Variants in ZNF862 observed in about 807,000 individuals in gnomAD.
The protein encoded by ZNF862 is zinc finger protein 862.
In ZNF862, 64 loss-of-function variants were observed where a neutral mutation model predicts 91.1. The observed-to-expected ratio is 0.70, with a 90% CI of 0.57 to 0.87. The LOEUF (loss-of-function observed/expected upper bound fraction) is 0.87. ZNF862 is among the 40% of genes least tolerant of loss of function. ZNF862 has a pLI of 0.00. For missense variants in ZNF862, 1,459 were observed against 1,528.0 expected, an observed-to-expected ratio of 0.95 and a Z score of 0.75; for synonymous variants, 631 against 618.1, an observed-to-expected ratio of 1.02 and a Z score of -0.31.
intron 5 of ZNF862, among the ~76,000 whole-genome samples, chr7:149,853,344 G>T (rs939212973): frequency 6.6e-6 from 1 of 152,210 alleles, no homozygotes; most frequent in Non-Finnish European, 1.5e-5. Context: ...TGGAATGTGG[G>T]TGTTTGTGGG....
chr7:149,859,478 T>A lies in ZNF862; in HGVS notation c.1174T>A (p.Trp392Arg). The A allele has an allele frequency of 6.3e-7, 1 of 1,588,472 alleles. No individual in the cohort carries two copies. The highest frequency in any genetic ancestry group is 8.6e-7 in the Non-Finnish European group (1 of 1,166,782). ...CAAACTGGAGCGGAGGGCTGCACCC[T>A]GGATCAAGGACCCAAATGGGCCAAA... ...ISKLERRAAP[W>R]IKDPNGPKWG... Residue 392 changes from tryptophan to arginine, a missense_variant, in exon 6 of 8, where the codon TGG becomes AGG. By Grantham distance (101) the Trp-to-Arg change is moderately radical. Coordinates refer to ENST00000223210, the MANE Select transcript of ZNF862 (RefSeq NM_001099220.3).
In ZNF862 at chr7:149,861,593, C is replaced by T; in HGVS notation, c.2433C>T (p.Leu811=). ...LVSWPALARH[L]QRVAEAGGQI... The stretch of plus-strand genomic sequence containing the variant: ...GCTGGCCCGCCCTGGCCAGGCACCT[C>T]CAGAGGGTGGCAGAGGCTGGGGGCC... Residue 811 remains leucine, a synonymous_variant, in exon 7 of 8, where the codon CTC becomes CTT. Coordinates refer to ENST00000223210, the MANE Select transcript of ZNF862 (RefSeq NM_001099220.3). The surrounding 1 kb of genome is among the most constrained non-coding windows in gnomAD (Gnocchi z 6.7). 1 of 1,598,860 alleles carries T rather than the reference C, an allele frequency of 6.3e-7. No homozygotes were observed. Among genetic ancestry groups the T allele is most frequent in the Non-Finnish European group, 8.5e-7 (1 of 1,174,910 alleles).
intron 5 of ZNF862, chr7:149,852,747 T>C (rs1274083869): frequency 1.3e-5 from 2 of 150,286 alleles, no homozygotes; most frequent in African/African-American, 4.9e-5. Flanking sequence ...AAGAAACTAA[T>C]ATTTGTCATT....
At position 149,861,320 on chromosome 7, in the gene ZNF862, G is replaced by C. The variant is rs2240361; in HGVS notation, c.2160G>C (p.Leu720=). The C allele has an allele frequency of 0.56, 900,556 of 1,612,508 alleles. 258,223 individuals carry two copies. The highest frequency in any genetic ancestry group is 0.6 in the Non-Finnish European group (710,514 of 1,179,706). ...TCCAGGAGGTCATCCCGCAGCTGCT[G>C]CCTGTCCACTGCGTGGCCCACCGGC... The part of the protein sequence containing the change: ...EKFQEVIPQL[L]PVHCVAHRLH... Residue 720 remains leucine (L), a synonymous_variant, in exon 7 of 8, where the codon CTG becomes CTC. Transcript: ENST00000223210. The surrounding 1 kb of genome is among the most constrained non-coding windows in gnomAD (Gnocchi z 6.7).
At position 149,864,160 on chromosome 7, in the gene ZNF862, G is replaced by C; in HGVS notation, c.3386G>C (p.Arg1129Thr). 1 of 1,595,044 alleles carries C rather than the reference G, an allele frequency of 6.3e-7. No homozygotes were observed. The highest frequency in any genetic ancestry group is 8.5e-7 in the Non-Finnish European group (1 of 1,171,086). The change falls in exon 8 of 8, where the codon AGG (arginine) becomes ACG (threonine). Residue 1129 changes from arginine (R) to threonine (T), a missense_variant. Coordinates refer to ENST00000223210, the MANE Select transcript of ZNF862 (RefSeq NM_001099220.3). ...GGAGCCCTCTATGTGGAGGAGCCCA[G>C]GACCCAGAAGCCACCCATCCTGCCC... ...EMGALYVEEP[R>T]TQKPPILPSR... is the part of the protein sequence containing the mutation.
intron 5 of ZNF862, chr7:149,858,498 TGAG>T (rs1210398106): frequency 2.0e-5 from 3 of 152,210 alleles, no homozygotes; most frequent in Non-Finnish European, 4.4e-5. Context: ...GATCCAAAGA[TGAG>T]TAGTGGAAAC....
Position 149,844,703 on chromosome 7 carries a change from C to T in ZNF862, c.103C>T (p.Leu35Phe). 1 of 1,598,530 alleles carries T rather than the reference C, an allele frequency of 6.3e-7. No homozygotes were observed. The highest frequency in any genetic ancestry group is 8.5e-7 in the Non-Finnish European group (1 of 1,172,320). Residue 35 changes from leucine (L) to phenylalanine (F), a missense_variant, in exon 2 of 8, where the codon CTC becomes TTC. Transcript: ENST00000223210. ...GCTGCTGAGCCAGCAACAGAAGGAG[C>T]TCTGTGGTTCCAACAAGCTGGTGGC... Reference protein sequence around the residue: ...WVLLSQQQKELCGSNKLVAPL... With the variant: ...WVLLSQQQKEFCGSNKLVAPL...
chr7:149,847,742 A>T lies in ZNF862; in HGVS notation c.249A>T (p.Lys83Asn). Reference protein sequence around the residue: ...RSLLEHHPGKKQMGYMGEMEV... With the variant: ...RSLLEHHPGKNQMGYMGEMEV... ...TCTGTCTCTTCTCTAAAGGAAAAAA[A>T]CAGATGGGCTACATGGGAGAAATGG... Residue 83 changes from lysine to asparagine, a missense_variant, in exon 4 of 8, where the codon AAA (lysine) becomes AAT (asparagine). Lys to Asn is a moderately conservative substitution (Grantham distance 94, BLOSUM62 0). Transcript: ENST00000223210. The T allele has an allele frequency of 6.2e-7, 1 of 1,605,712 alleles. No homozygotes were observed. Among genetic ancestry groups the T allele is most frequent in the Non-Finnish European group, 8.5e-7 (1 of 1,176,586 alleles).
intron 5 of ZNF862, among the ~76,000 whole-genome samples, chr7:149,858,228 T>G (rs576762883): frequency 1.3e-5 from 2 of 152,342 alleles, no homozygotes; most frequent in South Asian, 4.1e-4. Flanking sequence ...GCATTTGGTG[T>G]TCAGCTCTGT....
At position 149,850,463 on chromosome 7, in the gene ZNF862, C is replaced by A; in HGVS notation, c.1117+125C>A. The A allele has an allele frequency of 1.0e-6, 1 of 1,003,864 alleles. No homozygotes were observed. The highest frequency in any genetic ancestry group is 1.4e-6 in the Non-Finnish European group (1 of 700,828). 62.2% of individuals were successfully genotyped at this position (1,003,864 alleles called of 1,614,324 possible). A position where few individuals can be genotyped will look rare whatever the true frequency, so the allele number is the denominator to read the frequency against. On this transcript the variant is annotated intron_variant, in intron 5 of 7. Coordinates refer to ENST00000223210, the MANE Select transcript of ZNF862 (RefSeq NM_001099220.3). The surrounding 1 kb of genome is among the most constrained non-coding windows in gnomAD (Gnocchi z 4.2). ...CCCTGTGTGTAGGCAGAGACCGATCCTGTCTTTTGCACCTCATAACTCCCC... is the reference window on the plus strand; with the variant it reads ...CCCTGTGTGTAGGCAGAGACCGATCATGTCTTTTGCACCTCATAACTCCCC...
intron 5 of ZNF862, chr7:149,859,200 C>T: frequency 1.7e-6 from 1 of 585,694 alleles, no homozygotes; most frequent in South Asian, 2.0e-5. Flanking sequence ...TATGGCTGGC[C>T]CATGGATCTG....
At chr7:149,841,415 A>G in intron 1 of ZNF862, 1 of 984,864 alleles carries the variant, frequency 1.0e-6, no homozygotes, top group Non-Finnish European at 1.2e-6. Context: ...GTTCTATCCC[A>G]TGATCCTGTT....
At chr7:149,839,269 C>T (rs974890071) in intron 1 of ZNF862, among the ~76,000 whole-genome samples, 1 of 152,198 alleles carries the variant, frequency 6.6e-6, no homozygotes, top group Non-Finnish European at 1.5e-5. Flanking sequence ...CCGTGTCATC[C>T]AAGACCAGTG....
chr7:149,840,413 T>A (rs2046321329), intron 1 of ZNF862, among the ~76,000 whole-genome samples: 1 of 152,144 alleles, frequency 6.6e-6, no homozygotes, highest in Non-Finnish European at 1.5e-5. Flanking sequence ...GTAAAACAGT[T>A]ACAATAAGCT....
chr7:149,851,325 C>G (rs1802062533), intron 5 of ZNF862, among the ~76,000 whole-genome samples: 1 of 152,202 alleles, frequency 6.6e-6, no homozygotes, highest in South Asian at 2.1e-4. Flanking sequence ...GCCAGCACAC[C>G]TGGCCAACAT....
intron 5 of ZNF862, among the ~76,000 whole-genome samples, chr7:149,857,182 T>C (rs912198926): frequency 6.6e-6 from 1 of 152,194 alleles, no homozygotes; most frequent in Admixed American, 6.5e-5. Flanking sequence ...GGTCTTTCCC[T>C]GTTTGGGAAA....
At chr7:149,844,041 G>A (rs1801791612) in intron 1 of ZNF862, among the ~76,000 whole-genome samples, 1 of 151,890 alleles carries the variant, frequency 6.6e-6, no homozygotes, top group Admixed American at 6.6e-5. Context: ...TTAAATTCAC[G>A]GGGAATAAAC....
Position 149,862,391 on chromosome 7 carries a change from G to A in ZNF862, c.3231G>A (p.Glu1077=), listed in dbSNP as rs917209465. The A allele has an allele frequency of 2.5e-6, 4 of 1,612,628 alleles. No individual in the cohort carries two copies. The highest frequency in any genetic ancestry group is 2.7e-5 in the African/African-American group (2 of 74,894). ...CTGTGAACGGCGTGGCCGTCACGGA[G>A]TACGACCCCCAGCCCGCCATCCAGC... ...MTAVNGVAVT[E]YDPQPAIQHW... Residue 1077 remains glutamate, a synonymous_variant, in exon 7 of 8, where the codon GAG becomes GAA. Transcript: ENST00000223210.
In ZNF862 at chr7:149,859,699, G is replaced by T. The variant is rs562588824; in HGVS notation, c.1222+173G>T. The T allele has an allele frequency of 1.3e-4, 74 of 586,462 alleles. 3 individuals carry two copies. The South Asian group carries it at 1.5e-3, about 12-fold the overall frequency. 36.3% of individuals were successfully genotyped at this position (586,462 alleles called of 1,614,324 possible). A position where few individuals can be genotyped will look rare whatever the true frequency, so the allele number is the denominator to read the frequency against. ...ATAAGCAACTAACCCTGCCCACAGA[G>T]TGTAGAGTAGTCTGGGAAACAGGGA... is the stretch of plus-strand genomic sequence containing the variant. On this transcript the variant is annotated intron_variant, in intron 6 of 7. Transcript: ENST00000223210.
Sources: gnomAD v4.1 joint callset for allele counts (sites outside exome capture counted in the v4.1 genomes callset) on GRCh38, gnomAD v4.1.1 for gene constraint, Gnocchi (gnomAD v3.1) non-coding constraint, MANE v1.5 for transcripts, NCBI Gene and HGNC (gene_info 2026-07-23, HGNC 2026-07-21) for gene names.